FCGR3A: variants seen among roughly 807,000 people sequenced by gnomAD.
FCGR3A encodes Fc gamma receptor IIIa.
A neutral mutation model predicts 24.1 loss-of-function variants in FCGR3A; 13 were observed. The ratio of observed to expected loss-of-function variants is 0.54; its 90% CI spans 0.35 to 0.86. The LOEUF is 0.86. Ranked by LOEUF, FCGR3A falls within the 40% of genes least tolerant of loss-of-function variation. The pLI is 0.01. For synonymous variants in FCGR3A, 93 were observed against 112.2 expected (o/e 0.83, Z 1.08); for missense variants, 235 against 298.0 (o/e 0.79, Z 1.56).
At position 161,543,011 on chromosome 1, in the gene FCGR3A, G is replaced by A. The variant is rs2102517246; in HGVS notation, c.*1C>T. The A allele has an allele frequency of 1.2e-6, 2 of 1,608,046 alleles. No homozygotes were observed. Among genetic ancestry groups the A allele is most frequent in the Non-Finnish European group, 1.7e-6 (2 of 1,176,414 alleles). ...CTCTTATTACCCCCATGGGATGGGG[G>A]TCATTTGTCTTGAGGGTCCTTTCTC... On this transcript the variant is annotated 3_prime_UTR_variant, in exon 5 of 5. Transcript: ENST00000443193.
chr1:161,542,982 A>G lies in FCGR3A; in HGVS notation c.*30T>C. The G allele has an allele frequency of 1.3e-6, 2 of 1,555,798 alleles. No homozygotes were observed. The highest frequency in any genetic ancestry group is 1.8e-6 in the Non-Finnish European group (2 of 1,139,030). On this transcript the variant is annotated 3_prime_UTR_variant, in exon 5 of 5. Coordinates refer to ENST00000443193, the MANE Select transcript of FCGR3A (RefSeq NM_000569.8). ...AGAAATGTTCAGAGATGCTGCTGCTACTGCTCTTATTACCCCCATGGGATG... is the reference window on the plus strand; with the variant it reads ...AGAAATGTTCAGAGATGCTGCTGCTGCTGCTCTTATTACCCCCATGGGATG...
chr1:161,546,681 A>G (rs1252475930), intron 3 of FCGR3A, among the ~76,000 whole-genome samples: 5 of 151,922 alleles, frequency 3.3e-5, no homozygotes, highest in Admixed American at 6.6e-5. Flanking sequence ...CGAGGTGGGC[A>G]GATCATGAAG....
upstream of FCGR3A, chr1:161,549,837 C>T: frequency 6.2e-7 from 1 of 1,613,152 alleles, no homozygotes; most frequent in Non-Finnish European, 8.5e-7. Context: ...CCCAGCCCCT[C>T]CACCCATCTC....
At chr1:161,544,516 A>G (rs959179203) in intron 4 of FCGR3A, among the ~76,000 whole-genome samples, 185 bp downstream of exon 4, 14 of 151,136 alleles carry the variant, frequency 9.3e-5, no homozygotes, top group Non-Finnish European at 1.3e-4. Context: ...ATGGACTGAA[A>G]CAGAGCTGCA....
intron 3 of FCGR3A, among the ~76,000 whole-genome samples, chr1:161,546,951 GT>G (rs1207767309): frequency 6.6e-6 from 1 of 151,824 alleles, no homozygotes; most frequent in Non-Finnish European, 1.5e-5. Context: ...AAAAAAAGAA[GT>G]AAAAAATGCT....
At chr1:161,550,324 T>A (rs1677702287), upstream of FCGR3A, among the ~76,000 whole-genome samples, 1 of 152,212 alleles carries the variant, frequency 6.6e-6, no homozygotes, top group Non-Finnish European at 1.5e-5. Flanking sequence ...CTTTCAAAAT[T>A]CAAAATTCAA....
chr1:161,542,927 G>C lies in FCGR3A; in HGVS notation c.*85C>G, dbSNP rs937145025. On this transcript the variant is annotated 3_prime_UTR_variant, in exon 5 of 5. Coordinates refer to ENST00000443193, the MANE Select transcript of FCGR3A (RefSeq NM_000569.8). Reference sequence around the variant, plus strand: ...CTATGTTTCCTGCTGCTTGTAGAGAGGCCTGAGGATGATGGGGTTGCAAAT... The same window carrying C: ...CTATGTTTCCTGCTGCTTGTAGAGACGCCTGAGGATGATGGGGTTGCAAAT... 1 of 1,039,166 alleles carries C rather than the reference G, an allele frequency of 9.6e-7. No homozygotes were observed. The highest frequency in any genetic ancestry group is 1.6e-5 in the African/African-American group (1 of 62,048). The allele number at this position is 1,039,166 out of a possible 1,614,324, so 64.4% of individuals were successfully genotyped here.
rs138987073 is a variant in FCGR3A, at chr1:161,549,717, G to A, written c.20C>T (p.Pro7Leu). 1.9e-6 allele frequency: 3 copies of A among 1,613,912 alleles called. No individual in the cohort carries two copies. In the Admixed American group the frequency reaches 5.0e-5, roughly 27 times the overall value. The change falls in exon 1 of 5, where the codon CCA becomes CTA. Residue 7 changes from proline to leucine, a missense_variant. Transcript: ENST00000443193. Reference sequence around the variant, plus strand: ...CTTACCTAGAAGTAGCAGAGCAGTTGGGAGGAGCAGCTGCCACATGATGCC... The same window carrying A: ...CTTACCTAGAAGTAGCAGAGCAGTTAGGAGGAGCAGCTGCCACATGATGCC... MWQLLL[P>L]TALLLLVSAG...
In FCGR3A at chr1:161,543,144, G is replaced by T; in HGVS notation, c.633C>A (p.Phe211Leu). ...CAAAAAGGAGTACCATCACCAAGCA[G>T]AAAGAGACTTGGTACCCAGGTGGAA... ...SFFPPGYQVS[F>L]CLVMVLLFAV... Residue 211 changes from phenylalanine (F) to leucine (L), a missense_variant, in exon 5 of 5, where the codon TTC becomes TTA. Physicochemically the swap from Phe to Leu is conservative, Grantham distance 22. Coordinates refer to ENST00000443193, the MANE Select transcript of FCGR3A (RefSeq NM_000569.8). The T allele has an allele frequency of 6.2e-7, 1 of 1,613,438 alleles. No individual in the cohort carries two copies. Among genetic ancestry groups the T allele is most frequent in the Admixed American group, 1.7e-5 (1 of 59,952 alleles).
rs764331513 is a variant in FCGR3A, at chr1:161,548,561, C to T, written c.179G>A (p.Trp60Ter). The T allele has an allele frequency of 1.2e-6, 2 of 1,614,018 alleles. No homozygotes were observed. Among genetic ancestry groups the T allele is most frequent in the Non-Finnish European group, 8.5e-7 (1 of 1,179,868 alleles). The change falls in exon 3 of 5, where the codon TGG (tryptophan) becomes TAG (stop). Residue 60 changes from tryptophan to a stop codon, truncating the protein, a stop_gained. Coordinates refer to ENST00000443193, the MANE Select transcript of FCGR3A (RefSeq NM_000569.8). LOFTEE classifies it high-confidence loss of function. ...TGAGATGAGGCTCTCATTGTGAAAC[C>T]ACTGTGTGGAATTGTCCTCAGGGGA... ...AYSPEDNSTQ[W>*]FHNESLISSQ...
At chr1:161,547,710 G>A (rs1677489814) in intron 3 of FCGR3A, among the ~76,000 whole-genome samples, 1 of 152,244 alleles carries the variant, frequency 6.6e-6, no homozygotes, top group Non-Finnish European at 1.5e-5. Flanking sequence ...AGGTGGCTTA[G>A]GGCATTACAT....
chr1:161,548,264 G>T (rs1234731057), intron 3 of FCGR3A, among the ~76,000 whole-genome samples, 157 bp downstream of exon 3: 1 of 152,286 alleles, frequency 6.6e-6, no homozygotes, highest in Non-Finnish European at 1.5e-5. Context: ...CCTACTTAGA[G>T]CTAGGACTAC....
chr1:161,545,091 T>A (rs1572014988), intron 3 of FCGR3A, 133 bp from the exon 4 acceptor site: 1 of 1,116,014 alleles, frequency 9.0e-7, no homozygotes. Flanking sequence ...CATAGCTCCC[T>A]TTGGGGAAGA....
In FCGR3A at chr1:161,543,006, T is replaced by TG. The variant is rs2102517221; in HGVS notation, c.*5dup. On this transcript the variant is annotated 3_prime_UTR_variant, in exon 5 of 5. Coordinates refer to ENST00000443193, the MANE Select transcript of FCGR3A (RefSeq NM_000569.8). Reference sequence around the variant, plus strand: ...TACTGCTCTTATTACCCCCATGGGATGGGGGTCATTTGTCTTGAGGGTCCT... The same window carrying TG: ...TACTGCTCTTATTACCCCCATGGGATGGGGGGTCATTTGTCTTGAGGGTCCT... 1 of 1,605,332 alleles carries TG rather than the reference T, an allele frequency of 6.2e-7. No individual in the cohort carries two copies. The highest frequency in any genetic ancestry group is 2.2e-5 in the East Asian group (1 of 44,792).
chr1:161,549,484 A>G (rs4656318), intron 1 of FCGR3A, among the ~76,000 whole-genome samples: 49 of 151,276 alleles, frequency 3.2e-4, no homozygotes, highest in African/African-American at 9.8e-4. Flanking sequence ...GGGTGAAGTG[A>G]CTGGCCTCAC....
In FCGR3A at chr1:161,543,215, G is replaced by C; in HGVS notation, c.578-16C>G. The C allele has an allele frequency of 1.2e-6, 2 of 1,605,876 alleles. No individual in the cohort carries two copies. Among genetic ancestry groups the C allele is most frequent in the Non-Finnish European group, 1.7e-6 (2 of 1,176,548 alleles). On this transcript the variant is annotated splice_polypyrimidine_tract_variant and intron_variant, in intron 4 of 4. Transcript: ENST00000443193. ...ACTGCCAAACCTATTAGGAGAAGTG[G>C]AGAGATGAAAAAAAATGACAGTCAC...
rs1196806892 is a variant in FCGR3A, at chr1:161,549,727, G to A, written c.10C>T (p.Leu4=). The change falls in exon 1 of 5, where the codon CTG becomes TTG. Residue 4 remains leucine (L), a synonymous_variant. Coordinates refer to ENST00000443193, the MANE Select transcript of FCGR3A (RefSeq NM_000569.8). ...AGTAGCAGAGCAGTTGGGAGGAGCA[G>A]CTGCCACATGATGCCACACTGGAGT... The part of the protein sequence containing the change: MWQ[L]LLPTALLLLV... The A allele has an allele frequency of 3.7e-6, 6 of 1,613,794 alleles. No homozygotes were observed. In the African/African-American group the frequency reaches 8.0e-5, roughly 22 times the overall value.
At chr1:161,544,303 T>A (rs1677280244) in intron 4 of FCGR3A, among the ~76,000 whole-genome samples, 1 of 151,820 alleles carries the variant, frequency 6.6e-6, no homozygotes, top group Admixed American at 6.6e-5. Context: ...GGGCTCTTTC[T>A]GTGAGGGGAT....
At chr1:161,548,699 G>A in intron 2 of FCGR3A, 21 bp from the exon 3 acceptor site, 5 of 1,613,702 alleles carry the variant, frequency 3.1e-6, no homozygotes, top group Non-Finnish European at 4.2e-6. Context: ...AAGATAATGT[G>A]GGGTGAGGAC....
Sources: allele counts gnomAD v4.1 joint callset (sites outside exome capture counted in the v4.1 genomes callset), GRCh38; gene constraint gnomAD v4.1.1; transcripts MANE v1.5; gene names NCBI Gene and HGNC (gene_info 2026-07-23, HGNC 2026-07-21).